The following MADD variants were observed in gnomAD, a reference collection of about 807,000 sequenced individuals.
The protein encoded by MADD is MAP kinase activating death domain, also known as MAP kinase-activating death domain protein.
A neutral mutation model predicts 176.7 loss-of-function variants in MADD; 109 were observed. The observed-to-expected ratio is 0.62, with a 90% CI of 0.53 to 0.72. MADD has a LOEUF of 0.72. Ranked by LOEUF, MADD falls within the 30% of genes least tolerant of loss-of-function variation. The probability of loss-of-function intolerance (pLI) is 0.00; values close to 1 mark genes in which losing one functional copy is unlikely to be tolerated. For missense variants in MADD, 1,914 were observed against 2,045.5 expected (o/e 0.94, Z 1.24); for synonymous variants, 771 against 771.3 (o/e 1.00, Z 0.01).
intron 4 of MADD, 28 bp downstream of exon 4, chr11:47,276,230 T>C: frequency 1.3e-6 from 2 of 1,563,476 alleles, no homozygotes; most frequent in Admixed American, 1.9e-5. Context: ...TAGACCTTTC[T>C]AGGGGAGAAA....
intron 22 of MADD, among the ~76,000 whole-genome samples, chr11:47,297,982 G>A (rs965203676): frequency 6.6e-6 from 1 of 151,424 alleles, no homozygotes; most frequent in African/African-American, 2.4e-5. Context: ...GAGAGATGGG[G>A]TTTCACCGTG....
At chr11:47,287,438 C>T (rs1271513197) in intron 15 of MADD, among the ~76,000 whole-genome samples, 2 of 152,174 alleles carry the variant, frequency 1.3e-5, no homozygotes, top group African/African-American at 4.8e-5. Flanking sequence ...GACAGTGTCA[C>T]TCCGTCACCC....
chr11:47,295,714 A>C (rs1039706345), intron 21 of MADD, 135 bp downstream of exon 23: 53 of 1,546,614 alleles, frequency 3.4e-5, no homozygotes, highest in Non-Finnish European at 4.5e-5. Flanking sequence ...GTTTACCATC[A>C]TAGGTGTGTG....
In MADD at chr11:47,282,891, A is replaced by G. The variant is rs750599029; in HGVS notation, c.1784A>G (p.Tyr595Cys). ...CTGCAGCCTATCCACTATCGCGTCTATGACAGCAATTCCCAGCTGGCTGAG... is the reference window on the plus strand; with the variant it reads ...CTGCAGCCTATCCACTATCGCGTCTGTGACAGCAATTCCCAGCTGGCTGAG... Residue 595 changes from tyrosine (Y) to cysteine (C), a missense_variant, in exon 10 of 33, where the codon TAT (tyrosine) becomes TGT (cysteine). By Grantham distance (194) the Tyr-to-Cys change is radical (BLOSUM62 -2). Around this residue, in one of 2 missense-constraint regions of MADD, gnomAD observed 1,767 missense variants for 1,836.0 expected, o/e 0.96. Transcript: ENST00000402192. The G allele has an allele frequency of 2.5e-6, 4 of 1,613,992 alleles. No individual in the cohort carries two copies. Among genetic ancestry groups the G allele is most frequent in the South Asian group, 2.2e-5 (2 of 91,086 alleles).
intron 22 of MADD, among the ~76,000 whole-genome samples, chr11:47,296,772 T>TG (rs1417655354): frequency 6.7e-6 from 1 of 149,606 alleles, no homozygotes; most frequent in East Asian, 1.9e-4. Context: ...TTGTTTTTTT[T>TG]TTTTTTTTTT....
chr11:47,272,220 A>G (rs1298007559), intron 1 of MADD: 2 of 152,172 alleles, frequency 1.3e-5, no homozygotes, highest in Non-Finnish European at 2.9e-5. Flanking sequence ...CTCTGCTATA[A>G]ATAGTGCTGG....
intron 22 of MADD, among the ~76,000 whole-genome samples, chr11:47,306,644 TG>T (rs1039197355): frequency 1.1e-4 from 16 of 151,156 alleles, no homozygotes; most frequent in South Asian, 2.1e-4. Flanking sequence ...GGAAGGGGGA[TG>T]GGGGGGAGGC....
At chr11:47,314,759 A>C (rs189157968) in intron 26 of MADD, among the ~76,000 whole-genome samples, 19 of 152,366 alleles carry the variant, frequency 1.2e-4, no homozygotes, top group African/African-American at 4.6e-4. Flanking sequence ...CCAAAGCAAC[A>C]TACTGCAACA....
chr11:47,329,834 G>C (rs1287282353), exon 33 of MADD: 1 of 152,584 alleles, frequency 6.6e-6, no homozygotes, highest in African/African-American at 2.4e-5. Flanking sequence ...TGGCTGCTCT[G>C]CCTGAGCATC....
rs35063043 is a variant in MADD at position 47,297,789 on chromosome 11, C to CTTT, written c.3642+1749_3642+1751dup. Among the ~76,000 whole-genome samples, 70 of 113,386 alleles carry CTTT rather than the reference C, an allele frequency of 6.2e-4. 1 individual carries two copies. Among genetic ancestry groups the CTTT allele is most frequent in the East Asian group, 3.1e-3 (12 of 3,926 alleles). 74.4% of individuals were successfully genotyped at this position (113,386 alleles called of 152,430 possible). A position where few individuals can be genotyped will look rare whatever the true frequency, so the allele number is the denominator to read the frequency against. ...TTTCTTTTCTTTTCTTTCTTTCTTT[C>CTTT]TTTTTTTTTTTTTTTTTGAGATAGA... On this transcript the variant is annotated intron_variant, in intron 22 of 32. Transcript: ENST00000402192.
At chr11:47,274,241 A>C (rs552946303) in intron 2 of MADD, among the ~76,000 whole-genome samples, 2 of 152,344 alleles carry the variant, frequency 1.3e-5, no homozygotes, top group Middle Eastern at 3.4e-3. Flanking sequence ...GAAAAAGTAC[A>C]TTATAAGCTA....
intron 31 of MADD, chr11:47,328,309 G>A (rs1380797504): frequency 1.7e-6 from 2 of 1,187,166 alleles, no homozygotes; most frequent in Non-Finnish European, 2.1e-6. Flanking sequence ...ATTCCCCACT[G>A]CAGCTCCTCA....
chr11:47,309,539 G>T, exon 25 of MADD: 3 of 1,614,206 alleles, frequency 1.9e-6, no homozygotes, highest in South Asian at 2.2e-5. Flanking sequence ...GACCGGAAGC[G>T]CCTGGAAGAT....
At chr11:47,281,550 A>G (rs1304706511) in intron 7 of MADD, 25 bp from the exon 8 acceptor site, 4 of 1,576,408 alleles carry the variant, frequency 2.5e-6, no homozygotes, top group Non-Finnish European at 1.7e-6. Context: ...TTCCTTGTGT[A>G]AGGAATTTTC....
At position 47,284,212 on chromosome 11, in the gene MADD, TC is replaced by T; in HGVS notation, c.1898del (p.Ser633PhefsTer13). The T allele has an allele frequency of 6.2e-7, 1 of 1,614,084 alleles. No individual in the cohort carries two copies. The highest frequency in any genetic ancestry group is 8.5e-7 in the Non-Finnish European group (1 of 1,179,940). Reference sequence around the variant, plus strand: ...TAGTATGGATTATGACGATTCAAGCTCTTCTTACTCCTCCCTTGGTGACTTT... The same window carrying T: ...TAGTATGGATTATGACGATTCAAGCTTTCTTACTCCTCCCTTGGTGACTTT... On this transcript the variant is annotated frameshift_variant, in exon 11 of 33. Transcript: ENST00000402192. LOFTEE classifies it high-confidence loss of function.
In MADD at chr11:47,280,048, C is replaced by T. The variant is rs572864751; in HGVS notation, c.1290+969C>T. 2.5e-3 allele frequency among the ~76,000 whole-genome samples: 379 copies of T among 152,258 alleles called. 3 individuals carry two copies. The highest frequency in any genetic ancestry group is 8.7e-3 in the African/African-American group (363 of 41,542). The stretch of plus-strand genomic sequence containing the variant: ...TTGCGCCATTGCACTCCTGCCTGGG[C>T]CACAGAGTGAGACTCAGTCTCAAAC... On this transcript the variant is annotated intron_variant, in intron 7 of 32. Transcript: ENST00000402192.
At chr11:47,320,701 C>T (rs1051482209) in intron 27 of MADD, among the ~76,000 whole-genome samples, 4 of 151,160 alleles carry the variant, frequency 2.6e-5, no homozygotes, top group East Asian at 2.0e-4. Flanking sequence ...GTGGGAGGTT[C>T]GCTTGAGCCC....
chr11:47,317,278 G>A (rs541759563), intron 27 of MADD, among the ~76,000 whole-genome samples: 1 of 152,150 alleles, frequency 6.6e-6, no homozygotes, highest in Admixed American at 6.6e-5. Context: ...GTCATACTGT[G>A]AATGATGCTG....
intron 22 of MADD, among the ~76,000 whole-genome samples, chr11:47,297,473 G>T (rs2073593144): frequency 6.7e-6 from 1 of 149,738 alleles, no homozygotes; most frequent in Non-Finnish European, 1.5e-5. Context: ...TTGAGATGGA[G>T]TCTCGCTGTG....
Sources: allele counts gnomAD v4.1 joint callset (sites outside exome capture counted in the v4.1 genomes callset), GRCh38; gene constraint gnomAD v4.1.1; regional missense constraint gnomAD v4.1.1; transcripts MANE v1.5; gene names NCBI Gene and HGNC (gene_info 2026-07-23, HGNC 2026-07-21).